The following UTRN variants were observed in gnomAD, a reference collection of about 807,000 sequenced individuals.
The protein encoded by UTRN is dystrophin-related protein 1.
Under a neutral mutation model 463.9 loss-of-function variants are expected in UTRN, and 283 were observed. That is an observed-to-expected ratio of 0.61 (90% CI 0.55 to 0.67). The LOEUF (loss-of-function observed/expected upper bound fraction) is 0.67, where lower values mean the gene tolerates loss of function less well. UTRN is among the 30% of genes least tolerant of loss of function. UTRN has a pLI of 0.00. For missense variants in UTRN, 3,922 were observed against 4,084.3 expected, an observed-to-expected ratio of 0.96 and a Z score of 1.08; for synonymous variants, 1,442 against 1,431.5, an observed-to-expected ratio of 1.01 and a Z score of -0.17.
At chr6:144,388,672 C>G (rs959331365) in intron 2 of UTRN, among the ~76,000 whole-genome samples, 1 of 152,050 alleles carries the variant, frequency 6.6e-6, no homozygotes, top group Non-Finnish European at 1.5e-5. Context: ...GCTACCACAC[C>G]TGGCTAAGTT....
chr6:144,776,182 A>G (rs1775303908), intron 60 of UTRN, among the ~76,000 whole-genome samples: 2 of 152,132 alleles, frequency 1.3e-5, no homozygotes, highest in Admixed American at 1.3e-4. Context: ...CTTTCTCTGC[A>G]CTGGCTTGTA....
intron 25 of UTRN, among the ~76,000 whole-genome samples, chr6:144,479,143 G>A (rs1319111757): frequency 1.7e-5 from 2 of 120,572 alleles, no homozygotes; most frequent in Admixed American, 1.0e-4. Flanking sequence ...TTTTGAGACA[G>A]AGTCTCGCTC....
rs777031234 is a variant in UTRN at position 144,429,821 on chromosome 6, G to C, written c.855+80G>C. On this transcript the variant is annotated intron_variant, in intron 9 of 74. Coordinates refer to ENST00000367545, the MANE Select transcript of UTRN (RefSeq NM_007124.3). Reference sequence around the variant, plus strand: ...GTACTAGATAAAAACACTTTTAGAGGGTTTTTTTCTTGACTGAGAACATCT... The same window carrying C: ...GTACTAGATAAAAACACTTTTAGAGCGTTTTTTTCTTGACTGAGAACATCT... 4.8e-6 allele frequency: 7 copies of C among 1,470,552 alleles called. No individual in the cohort carries two copies. In the Admixed American group the frequency reaches 1.2e-4, roughly 25 times the overall value. The allele number at this position is 1,470,552 out of a possible 1,614,324, so 91.1% of individuals were successfully genotyped here. A position where few individuals can be genotyped will look rare whatever the true frequency, so the allele number is the denominator to read the frequency against.
intron 35 of UTRN, 33 bp from the exon 36 acceptor site, chr6:144,513,876 G>A: frequency 1.2e-6 from 2 of 1,601,894 alleles, no homozygotes; most frequent in Non-Finnish European, 1.7e-6. Context: ...TATTTCATAT[G>A]GTTATGTAAG....
At chr6:144,318,588 C>T (rs527810178) in intron 2 of UTRN, among the ~76,000 whole-genome samples, 10 of 152,110 alleles carry the variant, frequency 6.6e-5, no homozygotes, top group Admixed American at 3.9e-4. Context: ...CTCAGCCTCC[C>T]GAGTAGCTGG....
intron 52 of UTRN, among the ~76,000 whole-genome samples, chr6:144,679,693 G>A (rs932368829): frequency 8.6e-5 from 13 of 152,008 alleles, no homozygotes; most frequent in African/African-American, 3.1e-4. Flanking sequence ...ATACATAAAG[G>A]GGCTCACTGG....
At chr6:144,669,906 C>A (rs12196938) in intron 51 of UTRN, among the ~76,000 whole-genome samples, 3 of 151,718 alleles carry the variant, frequency 2.0e-5, no homozygotes, top group Non-Finnish European at 4.4e-5. Context: ...TTTCTGTGAA[C>A]GCCATTATTT....
intron 3 of UTRN, among the ~76,000 whole-genome samples, chr6:144,414,730 G>A (rs547594857): frequency 3.1e-5 from 3 of 95,368 alleles, no homozygotes; most frequent in Non-Finnish European, 4.4e-5. Context: ...TTTTTTTTTC[G>A]TTTGAGACAG....
chr6:144,698,280 T>C (rs1359598435), intron 52 of UTRN, among the ~76,000 whole-genome samples: 1 of 152,192 alleles, frequency 6.6e-6, no homozygotes, highest in African/African-American at 2.4e-5. Context: ...AATCAGGACC[T>C]TGTTAACCAC....
At chr6:144,687,950 C>T (rs575966529) in intron 52 of UTRN, among the ~76,000 whole-genome samples, 1 of 152,256 alleles carries the variant, frequency 6.6e-6, no homozygotes, top group South Asian at 2.1e-4. Context: ...GTTTTCAAAA[C>T]TATTTGGTTT....
intron 54 of UTRN, among the ~76,000 whole-genome samples, chr6:144,742,255 A>G (rs905382565): frequency 2.0e-5 from 3 of 152,188 alleles, no homozygotes; most frequent in Non-Finnish European, 2.9e-5. Context: ...GGACATAATT[A>G]GAAGCACTAA....
At position 144,403,047 on chromosome 6, in the gene UTRN, G is replaced by T. The variant is rs4896714; in HGVS notation, c.80-76G>T. Reference sequence around the variant, plus strand: ...ACTATTTTAAACTCTCCAGGATAGAGATAACCTTATTTGGTGCTTTACTAA... The same window carrying T: ...ACTATTTTAAACTCTCCAGGATAGATATAACCTTATTTGGTGCTTTACTAA... On this transcript the variant is annotated intron_variant, in intron 2 of 74. Coordinates refer to ENST00000367545, the MANE Select transcript of UTRN (RefSeq NM_007124.3). 14,071 of 1,336,738 alleles carry T rather than the reference G, an allele frequency of 0.011. 827 individuals are homozygous for T. In the East Asian group the frequency reaches 0.16, roughly 15 times the overall value. The allele number at this position is 1,336,738 out of a possible 1,614,324, so 82.8% of individuals were successfully genotyped here.
At chr6:144,700,985 C>T (rs1341084675) in intron 53 of UTRN, among the ~76,000 whole-genome samples, 1 of 152,058 alleles carries the variant, frequency 6.6e-6, no homozygotes, top group Non-Finnish European at 1.5e-5. Context: ...CAGCTCACTG[C>T]AACCTTCACC....
chr6:144,440,529 C>T, intron 13 of UTRN, 58 bp downstream of exon 13: 3 of 1,605,552 alleles, frequency 1.9e-6, no homozygotes, highest in Admixed American at 3.4e-5. Flanking sequence ...GACCCAATTA[C>T]ATATTGCCCT....
At chr6:144,492,072 A>G (rs1793127062) in intron 32 of UTRN, among the ~76,000 whole-genome samples, 1 of 152,126 alleles carries the variant, frequency 6.6e-6, no homozygotes, top group African/African-American at 2.4e-5. Flanking sequence ...CGTTTGATAC[A>G]TGGATATATT....
intron 52 of UTRN, among the ~76,000 whole-genome samples, chr6:144,680,346 C>A (rs1782081737): frequency 6.6e-6 from 1 of 151,652 alleles, no homozygotes; most frequent in Non-Finnish European, 1.5e-5. Context: ...TTTTTTTAAC[C>A]TGGAAAGAAA....
chr6:144,756,765 G>C (rs1427189686), intron 57 of UTRN, among the ~76,000 whole-genome samples: 1 of 152,088 alleles, frequency 6.6e-6, no homozygotes, highest in East Asian at 1.9e-4. Flanking sequence ...TATAAAGAGA[G>C]GAGGAATTGT....
intron 51 of UTRN, among the ~76,000 whole-genome samples, chr6:144,580,661 A>G (rs1801887488): frequency 6.6e-6 from 1 of 152,188 alleles, no homozygotes; most frequent in East Asian, 1.9e-4. Flanking sequence ...CCTGCAGGAG[A>G]GACAAGCTCC....
At chr6:144,828,239 AG>A (rs1418214654) in intron 68 of UTRN, among the ~76,000 whole-genome samples, 1 of 152,172 alleles carries the variant, frequency 6.6e-6, no homozygotes, top group Non-Finnish European at 1.5e-5. Flanking sequence ...TAGAATTTCT[AG>A]GGGAAAGTCT....
Sources: gnomAD v4.1 joint callset for allele counts (sites outside exome capture counted in the v4.1 genomes callset) on GRCh38, gnomAD v4.1.1 for gene constraint, MANE v1.5 for transcripts, NCBI Gene and HGNC (gene_info 2026-07-23, HGNC 2026-07-21) for gene names.